Variants in DEXI observed in about 807,000 individuals in gnomAD.
DEXI encodes the protein Dexi homolog.
In DEXI, 2 loss-of-function variants were observed where a neutral mutation model predicts 2.5. That is an observed-to-expected ratio of 0.81 (90% CI 0.33 to 2.55). DEXI has a LOEUF of 2.55. DEXI is among the 30% of genes most tolerant of loss of function. The pLI is 0.11. For synonymous variants in DEXI, 71 were observed against 68.7 expected (o/e 1.03, Z -0.17); for missense variants, 108 against 130.3 (o/e 0.83, Z 0.83).
chr16:10,938,654 T>G lies in DEXI; in HGVS notation c.*149+2915A>C, dbSNP rs2041062061. The G allele has an allele frequency of 1.3e-5, 2 of 152,358 alleles. No homozygotes were observed. The highest frequency in any genetic ancestry group is 6.5e-5 in the Admixed American group (1 of 15,302). 9.4% of individuals were successfully genotyped at this position (152,358 alleles called of 1,614,324 possible). On this transcript the variant is annotated intron_variant, in intron 1 of 1. Coordinates refer to ENST00000331808, the MANE Select transcript of DEXI (RefSeq NM_014015.4). The surrounding 1 kb of genome is among the most constrained non-coding windows in gnomAD (Gnocchi z 4.9). ...CTACCCCTCTCATACCCTGGGGTTC[T>G]GAGCTTCCTCGGCACTTGGGGGCAA...
At chr16:10,931,067 G>A (rs2040766846) in intron 1 of DEXI, 2 of 152,764 alleles carry the variant, frequency 1.3e-5, no homozygotes, top group African/African-American at 4.8e-5. Context: ...GTTCATGCTT[G>A]TAATCCCAGC....
Position 10,941,638 on chromosome 16 carries a change from T to C in DEXI, c.*80A>G. On this transcript the variant is annotated 3_prime_UTR_variant, in exon 1 of 2. Transcript: ENST00000331808. The surrounding 1 kb of genome is among the most constrained non-coding windows in gnomAD (Gnocchi z 6.4). ...CGTCCAGATGGTGCCCCCAACCAGC[T>C]GCGGCGGCATGATCTGGGCGGCTGG... 6.5e-7 allele frequency: 1 copy of C among 1,527,972 alleles called. No individual in the cohort carries two copies. The highest frequency in any genetic ancestry group is 8.8e-7 in the Non-Finnish European group (1 of 1,137,800). The allele number at this position is 1,527,972 out of a possible 1,614,324, so 94.7% of individuals were successfully genotyped here. A position where few individuals can be genotyped will look rare whatever the true frequency, so the allele number is the denominator to read the frequency against.
At position 10,941,838 on chromosome 16, in the gene DEXI, G is replaced by T. The variant is rs751650005; in HGVS notation, c.168C>A (p.Leu56=). Reference sequence around the variant, plus strand: ...GGTCCATGTCCTCGGGCAGGAAGACGAGGCCCACGTTGAGGACGATGTACT... The same window carrying T: ...GGTCCATGTCCTCGGGCAGGAAGACTAGGCCCACGTTGAGGACGATGTACT... The part of the protein sequence containing the change: ...LMEYIVLNVG[L]VFLPEDMDQA... The change falls in exon 1 of 2, where the codon CTC becomes CTA. Residue 56 remains leucine (L), a synonymous_variant. Transcript: ENST00000331808. The surrounding 1 kb of genome is among the most constrained non-coding windows in gnomAD (Gnocchi z 6.4). 9.9e-6 allele frequency: 16 copies of T among 1,613,178 alleles called. No homozygotes were observed. The highest frequency in any genetic ancestry group is 1.7e-5 in the Admixed American group (1 of 60,002).
In DEXI at chr16:10,940,023, C is replaced by T. The variant is rs2041080012; in HGVS notation, c.*149+1546G>A. 1 of 152,274 alleles carries T rather than the reference C, an allele frequency of 6.6e-6. No individual in the cohort carries two copies. The highest frequency in any genetic ancestry group is 1.9e-4 in the East Asian group (1 of 5,200). The allele number at this position is 152,274 out of a possible 1,614,324, so 9.4% of individuals were successfully genotyped here. On this transcript the variant is annotated intron_variant, in intron 1 of 1. Coordinates refer to ENST00000331808, the MANE Select transcript of DEXI (RefSeq NM_014015.4). This position sits in a 1 kb window ranked among gnomAD's most constrained non-coding sequence, Gnocchi z 4.2. The stretch of plus-strand genomic sequence containing the variant: ...GCAGAGCACCTGGCACACACTCCCC[C>T]TGGCACTTGGTTCTCGCTAAGATGT...
rs1019410807 is a variant in DEXI at position 10,929,706 on chromosome 16, C to G, written c.*150-147G>C. 1 of 245,446 alleles carries G rather than the reference C, an allele frequency of 4.1e-6. No homozygotes were observed. Among genetic ancestry groups the G allele is most frequent in the East Asian group, 1.8e-4 (1 of 5,536 alleles). The allele number at this position is 245,446 out of a possible 1,614,324, so 15.2% of individuals were successfully genotyped here. ...TCCATCCCTCAAATTTAGGGAACCA[C>G]TGGGAGCCCCAGACTCAGGCTGAAA... is the stretch of plus-strand genomic sequence containing the variant. On this transcript the variant is annotated intron_variant, in intron 1 of 1. Coordinates refer to ENST00000331808, the MANE Select transcript of DEXI (RefSeq NM_014015.4). The surrounding 1 kb of genome is among the most constrained non-coding windows in gnomAD (Gnocchi z 4.3).
chr16:10,929,102 C>G lies in DEXI; in HGVS notation c.*607G>C. On this transcript the variant is annotated 3_prime_UTR_variant, in exon 2 of 2. Coordinates refer to ENST00000331808, the MANE Select transcript of DEXI (RefSeq NM_014015.4). This position sits in a 1 kb window ranked among gnomAD's most constrained non-coding sequence, Gnocchi z 4.3. ...GAAATGAAGGAGCGAGAATCCCACCCTCAGCCCCCCAACAGCTTCCTCAGC... is the reference window on the plus strand; with the variant it reads ...GAAATGAAGGAGCGAGAATCCCACCGTCAGCCCCCCAACAGCTTCCTCAGC... 1 of 629,040 alleles carries G rather than the reference C, an allele frequency of 1.6e-6. No homozygotes were observed. Among genetic ancestry groups the G allele is most frequent in the Non-Finnish European group, 2.0e-6 (1 of 504,264 alleles). The allele number at this position is 629,040 out of a possible 1,614,324, so 39.0% of individuals were successfully genotyped here.
chr16:10,941,730 C>G lies in DEXI; in HGVS notation c.276G>C (p.Ala92=), dbSNP rs537643712. ...AGCAGTCGAGACCCTACTCCAAGTA[C>G]GCATCAAAGACGTCGAGCTCCGAGT... ...DADSELDVFD[A]YLE is the part of the protein sequence containing the mutation. Residue 92 remains alanine, a synonymous_variant, in exon 1 of 2, where the codon GCG becomes GCC. Transcript: ENST00000331808. This position sits in a 1 kb window ranked among gnomAD's most constrained non-coding sequence, Gnocchi z 6.4. 5.4e-5 allele frequency: 87 copies of G among 1,609,306 alleles called. No individual in the cohort carries two copies. The Admixed American group carries it at 1.5e-3, about 27-fold the overall frequency.
At chr16:10,933,465 G>A (rs2040885870) in intron 1 of DEXI, 1 of 152,262 alleles carries the variant, frequency 6.6e-6, no homozygotes, top group African/African-American at 2.4e-5. Flanking sequence ...TAGCCTGTCT[G>A]TGCTGATTGT....
rs1432577818 is a variant in DEXI, at chr16:10,934,635, T to A, written c.*150-5076A>T. 2 of 152,238 alleles carry A rather than the reference T, an allele frequency of 1.3e-5. No individual in the cohort carries two copies. The highest frequency in any genetic ancestry group is 2.9e-5 in the Non-Finnish European group (2 of 68,062). The allele number at this position is 152,238 out of a possible 1,614,324, so 9.4% of individuals were successfully genotyped here. On this transcript the variant is annotated intron_variant, in intron 1 of 1. Coordinates refer to ENST00000331808, the MANE Select transcript of DEXI (RefSeq NM_014015.4). The surrounding 1 kb of genome is among the most constrained non-coding windows in gnomAD (Gnocchi z 4.2). ...CGAACTTCTGCAAGCCTCAGTTTCC[T>A]CCCTGGTCTAATGGAACCCTCCTTG...
chr16:10,935,224 T>C (rs967649824), intron 1 of DEXI: 1 of 152,246 alleles, frequency 6.6e-6, no homozygotes, highest in African/African-American at 2.4e-5. Context: ...TTAGAGGGTA[T>C]ACGGAGGTGA....
chr16:10,940,247 T>G lies in DEXI; in HGVS notation c.*149+1322A>C, dbSNP rs1038678457. On this transcript the variant is annotated intron_variant, in intron 1 of 1. Coordinates refer to ENST00000331808, the MANE Select transcript of DEXI (RefSeq NM_014015.4). The surrounding 1 kb of genome is among the most constrained non-coding windows in gnomAD (Gnocchi z 4.2). ...AATGATGGTATTGCGGGGTGCGGCC[T>G]TAGGGAGGTGATTAGGTCACGAAGG... 6.6e-6 allele frequency: 1 copy of G among 152,208 alleles called. No homozygotes were observed. Among genetic ancestry groups the G allele is most frequent in the African/African-American group, 2.4e-5 (1 of 41,442 alleles). The allele number at this position is 152,208 out of a possible 1,614,324, so 9.4% of individuals were successfully genotyped here. A position where few individuals can be genotyped will look rare whatever the true frequency, so the allele number is the denominator to read the frequency against.
In DEXI at chr16:10,941,555, G is replaced by C. The variant is rs1192850703; in HGVS notation, c.*149+14C>G. 5 of 1,444,432 alleles carry C rather than the reference G, an allele frequency of 3.5e-6. No homozygotes were observed. Among genetic ancestry groups the C allele is most frequent in the Non-Finnish European group, 4.6e-6 (5 of 1,096,986 alleles). The allele number at this position is 1,444,432 out of a possible 1,614,324, so 89.5% of individuals were successfully genotyped here. On this transcript the variant is annotated intron_variant, in intron 1 of 1. Coordinates refer to ENST00000331808, the MANE Select transcript of DEXI (RefSeq NM_014015.4). This position sits in a 1 kb window ranked among gnomAD's most constrained non-coding sequence, Gnocchi z 6.4. ...CCCCAACCCGCCCTCATCCTGTTCA[G>C]AGAGGGCACTTACAGGCCTCGGAGG...
Position 10,934,384 on chromosome 16 carries a change from C to G in DEXI, c.*150-4825G>C, listed in dbSNP as rs1287397269. 6.6e-6 allele frequency: 1 copy of G among 152,266 alleles called. No individual in the cohort carries two copies. The highest frequency in any genetic ancestry group is 2.4e-5 in the African/African-American group (1 of 41,466). 9.4% of individuals were successfully genotyped at this position (152,266 alleles called of 1,614,324 possible). ...ATGAAAATGGAACCAGGAAGTCTAG[C>G]TTGATACCCTTGGCCTGTATAACTG... On this transcript the variant is annotated intron_variant, in intron 1 of 1. Coordinates refer to ENST00000331808, the MANE Select transcript of DEXI (RefSeq NM_014015.4). This position sits in a 1 kb window ranked among gnomAD's most constrained non-coding sequence, Gnocchi z 4.2.
chr16:10,933,662 G>C (rs534077979), intron 1 of DEXI: 20 of 152,402 alleles, frequency 1.3e-4, no homozygotes, highest in African/African-American at 3.4e-4. Flanking sequence ...AGCCCCACCT[G>C]TTCCCAGGTA....
Position 10,934,068 on chromosome 16 carries a change from A to T in DEXI, c.*150-4509T>A, listed in dbSNP as rs2040916426. The T allele has an allele frequency of 6.6e-6, 1 of 152,202 alleles. No individual in the cohort carries two copies. Among genetic ancestry groups the T allele is most frequent in the Admixed American group, 6.5e-5 (1 of 15,278 alleles). The allele number at this position is 152,202 out of a possible 1,614,324, so 9.4% of individuals were successfully genotyped here. ...TTCTCAAACCTGGCTTCGGATTTGC[A>T]CGTTGGCTGCCAAAGCTGATCAGCA... is the stretch of plus-strand genomic sequence containing the variant. On this transcript the variant is annotated intron_variant, in intron 1 of 1. Coordinates refer to ENST00000331808, the MANE Select transcript of DEXI (RefSeq NM_014015.4). The surrounding 1 kb of genome is among the most constrained non-coding windows in gnomAD (Gnocchi z 4.2).
In DEXI at chr16:10,937,020, T is replaced by C. The variant is rs1226755473; in HGVS notation, c.*149+4549A>G. The C allele has an allele frequency of 1.3e-5, 2 of 152,244 alleles. No individual in the cohort carries two copies. The highest frequency in any genetic ancestry group is 2.1e-4 in the South Asian group (1 of 4,834). The allele number at this position is 152,244 out of a possible 1,614,324, so 9.4% of individuals were successfully genotyped here. On this transcript the variant is annotated intron_variant, in intron 1 of 1. Transcript: ENST00000331808. This position sits in a 1 kb window ranked among gnomAD's most constrained non-coding sequence, Gnocchi z 4.2. ...AGCTGTAAGTGGGGCAGACCCTGCC[T>C]GTTTCTTGGCTGAAATCTCCAGTTT... is the stretch of plus-strand genomic sequence containing the variant.
At position 10,929,054 on chromosome 16, in the gene DEXI, A is replaced by C. The variant is rs1482695331; in HGVS notation, c.*655T>G. The C allele has an allele frequency of 1.1e-5, 3 of 273,786 alleles. No individual in the cohort carries two copies. The highest frequency in any genetic ancestry group is 6.5e-5 in the Admixed American group (1 of 15,398). 17.0% of individuals were successfully genotyped at this position (273,786 alleles called of 1,614,324 possible). On this transcript the variant is annotated 3_prime_UTR_variant, in exon 2 of 2. Coordinates refer to ENST00000331808, the MANE Select transcript of DEXI (RefSeq NM_014015.4). The surrounding 1 kb of genome is among the most constrained non-coding windows in gnomAD (Gnocchi z 4.3). ...CACCAGCATGATGTCTGTTTTGCCA[A>C]CTTGCTGAAGAACGAGTAACCTGAA...
Position 10,929,981 on chromosome 16 carries a change from G to C in DEXI, c.*150-422C>G, listed in dbSNP as rs998552947. 1 of 152,350 alleles carries C rather than the reference G, an allele frequency of 6.6e-6. No homozygotes were observed. The allele number at this position is 152,350 out of a possible 1,614,324, so 9.4% of individuals were successfully genotyped here. On this transcript the variant is annotated intron_variant, in intron 1 of 1. Coordinates refer to ENST00000331808, the MANE Select transcript of DEXI (RefSeq NM_014015.4). The surrounding 1 kb of genome is among the most constrained non-coding windows in gnomAD (Gnocchi z 4.3). ...TTGGCAACACCTTCCACCTTGCCCG[G>C]AAAAATGCTTTGCAACCTACAGGAA...
intron 1 of DEXI, chr16:10,933,586 C>G (rs2040890978): frequency 6.6e-6 from 1 of 152,276 alleles, no homozygotes; most frequent in African/African-American, 2.4e-5. Flanking sequence ...CTGTTTGTGT[C>G]CATGGAGTGC....
Sources: gnomAD v4.1 joint callset for allele counts on GRCh38, gnomAD v4.1.1 for gene constraint, Gnocchi (gnomAD v3.1) non-coding constraint, MANE v1.5 for transcripts, NCBI Gene and HGNC (gene_info 2026-07-23, HGNC 2026-07-21) for gene names.